CYP27C1: variants seen among roughly 807,000 people sequenced by gnomAD.
CYP27C1 encodes the protein cytochrome P450 27C1.
In CYP27C1, 29 loss-of-function variants were observed where a neutral mutation model predicts 40.6. The ratio of observed to expected loss-of-function variants is 0.71; its 90% CI spans 0.53 to 0.97. CYP27C1 has a LOEUF of 0.97. Ranked by LOEUF, CYP27C1 falls within the 50% of genes least tolerant of loss-of-function variation. The pLI, the probability that CYP27C1 is intolerant of heterozygous loss-of-function variation, is 0.00. For missense variants in CYP27C1, 390 were observed against 485.8 expected, an observed-to-expected ratio of 0.80 and a Z score of 1.85; for synonymous variants, 198 against 186.8, an observed-to-expected ratio of 1.06 and a Z score of -0.49.
At chr2:127,194,653 G>A (rs1407886487) in intron 6 of CYP27C1, among the ~76,000 whole-genome samples, 1 of 152,094 alleles carries the variant, frequency 6.6e-6, no homozygotes, top group Admixed American at 6.6e-5. Flanking sequence ...GAACCATGAG[G>A]TTTGTATCCA....
At chr2:127,211,836 A>G (rs1174501830) in intron 1 of CYP27C1, among the ~76,000 whole-genome samples, 5 of 152,288 alleles carry the variant, frequency 3.3e-5, no homozygotes, top group African/African-American at 1.2e-4. Flanking sequence ...AGAAATAACT[A>G]AGATCAGAGA....
intron 1 of CYP27C1, among the ~76,000 whole-genome samples, chr2:127,214,650 CAT>C (rs1683392443): frequency 6.6e-6 from 1 of 151,996 alleles, no homozygotes; most frequent in South Asian, 2.1e-4. Context: ...AGGGGAATAA[CAT>C]ACACCAGGGC....
At chr2:127,206,536 G>A (rs533650824) in intron 1 of CYP27C1, among the ~76,000 whole-genome samples, 4 of 152,244 alleles carry the variant, frequency 2.6e-5, no homozygotes, top group African/African-American at 7.2e-5. Flanking sequence ...TCGAACTCTT[G>A]GCCTCAAGTG....
At chr2:127,206,290 CGTTT>C (rs72517050) in intron 1 of CYP27C1, among the ~76,000 whole-genome samples, 200 bp from the exon 2 acceptor site, 92,589 of 149,984 alleles carry the variant, frequency 0.62, 29,902 homozygotes, top group East Asian at 0.9. Flanking sequence ...TTGTTGTTTC[CGTTT>C]GTTTGTTTGT....
chr2:127,219,563 G>T lies in CYP27C1; in HGVS notation c.282+426C>A, dbSNP rs888455866. ...CCGCTACCTCCTCCCCAGGGGTCCC[G>T]GCTGGGGCCCCTCCAGGGGACCCCT... On this transcript the variant is annotated intron_variant, in intron 1 of 8. Transcript: ENST00000664447. The surrounding 1 kb of genome is among the most constrained non-coding windows in gnomAD (Gnocchi z 8.7). Among the ~76,000 whole-genome samples, 1 of 150,934 alleles carries T rather than the reference G, an allele frequency of 6.6e-6. No homozygotes were observed. The highest frequency in any genetic ancestry group is 2.4e-5 in the African/African-American group (1 of 41,074).
At chr2:127,198,346 A>AT (rs1682953800) in intron 5 of CYP27C1, among the ~76,000 whole-genome samples, 1 of 152,226 alleles carries the variant, frequency 6.6e-6, no homozygotes, top group Non-Finnish European at 1.5e-5. Flanking sequence ...TTATAAATAA[A>AT]TTCCATGGCC....
At chr2:127,212,019 AT>A (rs1683348194) in intron 1 of CYP27C1, among the ~76,000 whole-genome samples, 1 of 152,208 alleles carries the variant, frequency 6.6e-6, no homozygotes, top group Non-Finnish European at 1.5e-5. Flanking sequence ...ACAAACTACC[AT>A]CAGAGAATAC....
At chr2:127,204,464 G>GAAAGA (rs1683134166) in intron 2 of CYP27C1, among the ~76,000 whole-genome samples, 1 of 70,678 alleles carries the variant, frequency 1.4e-5, no homozygotes, top group Non-Finnish European at 2.9e-5. Flanking sequence ...AAGAAAGAAA[G>GAAAGA]AAAGAAAGAA....
At chr2:127,202,046 A>T (rs139016117) in intron 3 of CYP27C1, among the ~76,000 whole-genome samples, 143 of 152,034 alleles carry the variant, frequency 9.4e-4, no homozygotes, top group Admixed American at 3.1e-3. Context: ...TTTAAAAAAG[A>T]TGAGAAAGCT....
chr2:127,204,472 GAAAGAAAGAAAGA>G lies in CYP27C1; in HGVS notation c.474-914_474-902del, dbSNP rs1558930994. Among the ~76,000 whole-genome samples, 175 of 68,780 alleles carry G rather than the reference GAAAGAAAGAAAGA, an allele frequency of 2.5e-3. 13 individuals are homozygous for G. The highest frequency in any genetic ancestry group is 8.6e-3 in the African/African-American group (158 of 18,468). The allele number at this position is 68,780 out of a possible 152,430, so 45.1% of individuals were successfully genotyped here. On this transcript the variant is annotated intron_variant, in intron 2 of 8. Coordinates refer to ENST00000664447, the MANE Select transcript of CYP27C1 (RefSeq NM_001367502.1). ...AGAAAGAAAGAAAGAAAGAAAGAAA[GAAAGAAAGAAAGA>G]AAGGAAGGAAGGAAGGAAGGAAAGA...
chr2:127,214,215 T>C (rs1683384866), intron 1 of CYP27C1, among the ~76,000 whole-genome samples: 1 of 152,198 alleles, frequency 6.6e-6, no homozygotes, highest in African/African-American at 2.4e-5. Context: ...TTTTACACTG[T>C]TGGTGGGAAT....
At position 127,203,470 on chromosome 2, in the gene CYP27C1, G is replaced by C. The variant is rs1298878751; in HGVS notation, c.575C>G (p.Ala192Gly). 6.2e-7 allele frequency: 1 copy of C among 1,613,804 alleles called. No homozygotes were observed. The highest frequency in any genetic ancestry group is 8.5e-7 in the Non-Finnish European group (1 of 1,179,974). ...IYSGEVNQVI[A>G]DLIKRIYLLR... ...GAGGTAGATTCTTTTAATTAAGTCA[G>C]CAATAACTTGGTTGACTTCTCCAGA... Residue 192 changes from alanine (A) to glycine (G), a missense_variant, in exon 3 of 9, where the codon GCT becomes GGT. Ala to Gly is a moderately conservative substitution (Grantham distance 60). Coordinates refer to ENST00000664447, the MANE Select transcript of CYP27C1 (RefSeq NM_001367502.1).
Position 127,213,789 on chromosome 2 carries a change from T to C in CYP27C1, c.282+6200A>G, listed in dbSNP as rs1683378222. On this transcript the variant is annotated intron_variant, in intron 1 of 8. Transcript: ENST00000664447. ...TTCCTGATGAAGACACCAAAAGCAATTGCAACAAAAGCCAAAATTGACAAC... is the reference window on the plus strand; with the variant it reads ...TTCCTGATGAAGACACCAAAAGCAACTGCAACAAAAGCCAAAATTGACAAC... Among the ~76,000 whole-genome samples, 5 of 152,014 alleles carry C rather than the reference T, an allele frequency of 3.3e-5. No individual in the cohort carries two copies. In the South Asian group the frequency reaches 1.0e-3, roughly 32 times the overall value.
chr2:127,188,757 A>T (rs1682695451), intron 8 of CYP27C1, among the ~76,000 whole-genome samples: 1 of 152,190 alleles, frequency 6.6e-6, no homozygotes, highest in South Asian at 2.1e-4. Flanking sequence ...AGTTTGAAAG[A>T]ACACCAAAGT....
intron 8 of CYP27C1, among the ~76,000 whole-genome samples, chr2:127,191,423 G>A (rs1283454253): frequency 2.0e-5 from 3 of 152,054 alleles, no homozygotes; most frequent in South Asian, 2.1e-4. Flanking sequence ...TGTCTACCCC[G>A]GTTCTTCAGG....
intron 2 of CYP27C1, among the ~76,000 whole-genome samples, chr2:127,204,836 GC>G (rs1161233160): frequency 5.3e-5 from 8 of 152,152 alleles, no homozygotes; most frequent in African/African-American, 1.9e-4. Context: ...GCAGGACTGA[GC>G]CTCAAGTGCC....
At position 127,185,851 on chromosome 2, in the gene CYP27C1, A is replaced by C. The variant is rs1682613556; in HGVS notation, c.*1420T>G. On this transcript the variant is annotated 3_prime_UTR_variant, in exon 9 of 9. Coordinates refer to ENST00000664447, the MANE Select transcript of CYP27C1 (RefSeq NM_001367502.1). The surrounding 1 kb of genome is among the most constrained non-coding windows in gnomAD (Gnocchi z 4.9). The stretch of plus-strand genomic sequence containing the variant: ...GGCATGATGACAAGGCAAGAGCATC[A>C]GGAAATCACGGTGTTTCCTCTTAGC... 1 of 152,226 alleles carries C rather than the reference A, an allele frequency of 6.6e-6. No homozygotes were observed. Among genetic ancestry groups the C allele is most frequent in the Admixed American group, 6.5e-5 (1 of 15,276 alleles). 9.4% of individuals were successfully genotyped at this position (152,226 alleles called of 1,614,324 possible). A position where few individuals can be genotyped will look rare whatever the true frequency, so the allele number is the denominator to read the frequency against.
At chr2:127,192,623 G>GC (rs995305061) in intron 8 of CYP27C1, among the ~76,000 whole-genome samples, 3 of 79,304 alleles carry the variant, frequency 3.8e-5, no homozygotes, top group Admixed American at 1.8e-4. Context: ...CTTTCCCGGG[G>GC]GGGGGGGCTG....
chr2:127,203,092 T>C (rs1290339825), intron 3 of CYP27C1, among the ~76,000 whole-genome samples: 7 of 150,854 alleles, frequency 4.6e-5, no homozygotes, highest in African/African-American at 7.3e-5. Context: ...CGCTTGAACC[T>C]GGGAGGCAGA....
Sources: allele counts gnomAD v4.1 joint callset (sites outside exome capture counted in the v4.1 genomes callset), GRCh38; gene constraint gnomAD v4.1.1; non-coding constraint Gnocchi (gnomAD v3.1); transcripts MANE v1.5; gene names NCBI Gene and HGNC (gene_info 2026-07-23, HGNC 2026-07-21).